Variants in TCAIM observed in about 807,000 individuals in gnomAD.
TCAIM encodes the protein T-cell activation inhibitor, mitochondrial.
Under a neutral mutation model 58.6 loss-of-function variants are expected in TCAIM, and 36 were observed. The ratio of observed to expected loss-of-function variants is 0.61; its 90% CI spans 0.47 to 0.81. The LOEUF (loss-of-function observed/expected upper bound fraction) is 0.81. TCAIM is among the 30% of genes least tolerant of loss of function. The pLI is 0.00. For missense variants in TCAIM, 466 were observed against 579.6 expected (o/e 0.80, Z 2.01); for synonymous variants, 172 against 193.6 (o/e 0.89, Z 0.93).
intron 1 of TCAIM, 137 bp downstream of exon 1, chr3:44,338,971 G>C (rs1013289892): frequency 6.6e-6 from 1 of 152,222 alleles, no homozygotes. Context: ...AGGGGACGCA[G>C]TATCCGCATC....
In TCAIM at chr3:44,391,816, CTG is replaced by C. The variant is rs67693224; in HGVS notation, c.573-1038_573-1037del. On this transcript the variant is annotated intron_variant, in intron 5 of 10. Coordinates refer to ENST00000342649, the MANE Select transcript of TCAIM (RefSeq NM_173826.4). ...TCCAAGACCAAAATAAAGGGAGAAA[CTG>C]GAGTCCACCCAGCCAGAATCCACAA... Among the ~76,000 whole-genome samples, 1,217 of 152,292 alleles carry C rather than the reference CTG, an allele frequency of 8.0e-3. 17 individuals are homozygous for C. The highest frequency in any genetic ancestry group is 0.028 in the African/African-American group (1,166 of 41,554).
chr3:44,405,498 C>A (rs1470871941), intron 10 of TCAIM, among the ~76,000 whole-genome samples: 1 of 151,852 alleles, frequency 6.6e-6, no homozygotes, highest in Non-Finnish European at 1.5e-5. Flanking sequence ...CATGGTGAGA[C>A]CTCGTCTCTA....
intron 6 of TCAIM, among the ~76,000 whole-genome samples, chr3:44,394,758 G>A (rs1701895423): frequency 1.3e-5 from 2 of 150,386 alleles, no homozygotes. Flanking sequence ...GCCAGGCCTG[G>A]TGGCACGTGC....
rs1023046923 is a variant in TCAIM, at chr3:44,365,453, C to T, written c.320-2003C>T. On this transcript the variant is annotated intron_variant, in intron 4 of 10. Coordinates refer to ENST00000342649, the MANE Select transcript of TCAIM (RefSeq NM_173826.4). ...AAGTGATTCTCCTGCCTCAGCCTCCCGAGTAGCTGGGATTACAGGAGTGCA... is the reference window on the plus strand; with the variant it reads ...AAGTGATTCTCCTGCCTCAGCCTCCTGAGTAGCTGGGATTACAGGAGTGCA... 3.3e-5 allele frequency among the ~76,000 whole-genome samples: 5 copies of T among 152,008 alleles called. No individual in the cohort carries two copies. The East Asian group carries it at 5.8e-4, about 18-fold the overall frequency.
At chr3:44,392,327 C>A (rs759272209) in intron 5 of TCAIM, among the ~76,000 whole-genome samples, 4 of 151,942 alleles carry the variant, frequency 2.6e-5, no homozygotes, top group Non-Finnish European at 4.4e-5. Flanking sequence ...TTTCTGAGTA[C>A]AATTTTTTTT....
intron 4 of TCAIM, among the ~76,000 whole-genome samples, chr3:44,364,706 A>C (rs936022733): frequency 5.3e-5 from 8 of 151,738 alleles, no homozygotes; most frequent in Non-Finnish European, 1.0e-4. Context: ...GGCAGGCACC[A>C]CTGCACTCCA....
chr3:44,362,674 A>G (rs1014083993), intron 4 of TCAIM: 8 of 350,808 alleles, frequency 2.3e-5, no homozygotes, highest in Non-Finnish European at 3.6e-5. Context: ...GTCAATTCAT[A>G]GCCCTTTTGT....
intron 5 of TCAIM, among the ~76,000 whole-genome samples, chr3:44,387,516 G>A (rs1259898843): frequency 2.0e-5 from 3 of 152,208 alleles, no homozygotes; most frequent in African/African-American, 7.2e-5. Context: ...TCCCACAGTG[G>A]TACACCTGGT....
intron 1 of TCAIM, among the ~76,000 whole-genome samples, chr3:44,339,533 G>A (rs1415067157): frequency 6.6e-6 from 1 of 152,190 alleles, no homozygotes; most frequent in East Asian, 1.9e-4. Context: ...AAACTGCACA[G>A]ATTTAATGCC....
At chr3:44,375,501 G>T (rs1354874624) in intron 5 of TCAIM, among the ~76,000 whole-genome samples, 1 of 152,208 alleles carries the variant, frequency 6.6e-6, no homozygotes, top group Non-Finnish European at 1.5e-5. Context: ...CCATGAAGAT[G>T]ACATGAAGCC....
chr3:44,375,168 A>C (rs1701545098), intron 5 of TCAIM, among the ~76,000 whole-genome samples: 1 of 152,158 alleles, frequency 6.6e-6, no homozygotes. Context: ...TATGTATTAC[A>C]TATTGCTGCA....
intron 8 of TCAIM, among the ~76,000 whole-genome samples, chr3:44,399,283 T>C (rs1701986628): frequency 6.6e-6 from 1 of 152,182 alleles, no homozygotes; most frequent in African/African-American, 2.4e-5. Flanking sequence ...TACAATTATC[T>C]CAAAATAAAA....
intron 1 of TCAIM, among the ~76,000 whole-genome samples, chr3:44,341,832 G>A (rs1340742000): frequency 6.6e-6 from 1 of 152,118 alleles, no homozygotes; most frequent in Non-Finnish European, 1.5e-5. Context: ...TTTCATAAGT[G>A]ATGTACCCCT....
At chr3:44,339,240 G>T (rs1001067952) in intron 1 of TCAIM, among the ~76,000 whole-genome samples, 1 of 152,044 alleles carries the variant, frequency 6.6e-6, no homozygotes, top group Non-Finnish European at 1.5e-5. Context: ...GAAAATTACC[G>T]CTTTTGTCCC....
chr3:44,374,527 G>A (rs1002152895), intron 5 of TCAIM, among the ~76,000 whole-genome samples: 3 of 152,062 alleles, frequency 2.0e-5, no homozygotes, highest in East Asian at 1.9e-4. Flanking sequence ...AGGCCAAGGC[G>A]GGAGGATTGC....
chr3:44,340,289 T>C (rs558948693), intron 1 of TCAIM: 7 of 152,220 alleles, frequency 4.6e-5, no homozygotes, highest in Non-Finnish European at 7.3e-5. Flanking sequence ...AATTTACAGA[T>C]TGACATTCCA....
chr3:44,399,404 G>T (rs994987367), intron 8 of TCAIM, among the ~76,000 whole-genome samples: 1 of 152,160 alleles, frequency 6.6e-6, no homozygotes, highest in African/African-American at 2.4e-5. Flanking sequence ...TAAATAATTT[G>T]TAGAATTTTT....
At chr3:44,406,145 C>G (rs984498535) in intron 10 of TCAIM, among the ~76,000 whole-genome samples, 1 of 151,978 alleles carries the variant, frequency 6.6e-6, no homozygotes, top group Non-Finnish European at 1.5e-5. Flanking sequence ...AGCTTGTGAC[C>G]CATGGGTCTG....
At chr3:44,392,414 T>C (rs1399609151) in intron 5 of TCAIM, among the ~76,000 whole-genome samples, 1 of 152,136 alleles carries the variant, frequency 6.6e-6, no homozygotes, top group Non-Finnish European at 1.5e-5. Context: ...TTGTACAGTT[T>C]ATTCTGTTAC....
Sources: allele counts gnomAD v4.1 joint callset (sites outside exome capture counted in the v4.1 genomes callset), GRCh38; gene constraint gnomAD v4.1.1; transcripts MANE v1.5; gene names NCBI Gene and HGNC (gene_info 2026-07-23, HGNC 2026-07-21).